The following MALRD1 variants were observed in gnomAD, a reference collection of about 807,000 sequenced individuals.
The protein encoded by MALRD1 is MAM and LDL-receptor class A domain-containing protein 1.
Under a neutral mutation model 242.1 loss-of-function variants are expected in MALRD1, and 247 were observed. The ratio of observed to expected loss-of-function variants is 1.02; its 90% CI spans 0.92 to 1.13. The LOEUF (loss-of-function observed/expected upper bound fraction) is 1.13. Ranked by LOEUF, MALRD1 falls within the 50% of genes most tolerant of loss-of-function variation. The probability of loss-of-function intolerance (pLI) is 0.00; values close to 1 mark genes in which losing one functional copy is unlikely to be tolerated. For missense variants in MALRD1, 2,989 were observed against 2,533.1 expected (o/e 1.18, Z -3.86); for synonymous variants, 995 against 866.6 (o/e 1.15, Z -2.60).
At chr10:19,646,750 A>G (rs558826393) in intron 36 of MALRD1, among the ~76,000 whole-genome samples, 1 of 152,336 alleles carries the variant, frequency 6.6e-6, no homozygotes, top group African/African-American at 2.4e-5. Flanking sequence ...TGTGCTTTAA[A>G]AAAATATATA....
intron 28 of MALRD1, among the ~76,000 whole-genome samples, chr10:19,410,679 C>CTTT (rs58147034): frequency 9.8e-5 from 13 of 132,884 alleles, no homozygotes; most frequent in South Asian, 2.4e-4. Flanking sequence ...TCCTTCCTTC[C>CTTT]TTTTTTTTTT....
intron 36 of MALRD1, among the ~76,000 whole-genome samples, chr10:19,620,971 C>G (rs1839375065): frequency 6.6e-6 from 1 of 151,162 alleles, no homozygotes; most frequent in South Asian, 2.1e-4. Context: ...AAATTTCTCT[C>G]CAGTTTATAG....
intron 30 of MALRD1, among the ~76,000 whole-genome samples, chr10:19,497,285 C>G (rs188265207): frequency 9.7e-4 from 146 of 149,972 alleles, no homozygotes; most frequent in Middle Eastern, 3.4e-3. Context: ...ATCCATATCA[C>G]ATAATAAAAA....
At chr10:19,070,992 CA>C (rs1176750562) in intron 2 of MALRD1, among the ~76,000 whole-genome samples, 5 of 151,732 alleles carry the variant, frequency 3.3e-5, no homozygotes, top group African/African-American at 1.2e-4. Context: ...GCTGGGATTA[CA>C]GGCATGTGCC....
At chr10:19,102,857 C>CTAA (rs1836318060) in intron 4 of MALRD1, among the ~76,000 whole-genome samples, 1 of 150,754 alleles carries the variant, frequency 6.6e-6, no homozygotes, top group African/African-American at 2.4e-5. Context: ...GTCATTTCTT[C>CTAA]TTTTTTTTTG....
At chr10:19,539,930 A>T (rs1190802212) in intron 32 of MALRD1, among the ~76,000 whole-genome samples, 2 of 134,764 alleles carry the variant, frequency 1.5e-5, no homozygotes, top group African/African-American at 5.8e-5. Context: ...ACGCGCAGTG[A>T]TGGGGTTTTG....
chr10:19,269,285 AGGTTC>A (rs201587161), intron 19 of MALRD1, among the ~76,000 whole-genome samples: 2,318 of 152,278 alleles, frequency 0.015, 62 homozygotes, highest in African/African-American at 0.053. Flanking sequence ...CATGAGGATG[AGGTTC>A]TTATAATGGG....
At chr10:19,249,872 AT>A (rs1491155358) in intron 18 of MALRD1, among the ~76,000 whole-genome samples, 3 of 137,070 alleles carry the variant, frequency 2.2e-5, no homozygotes, top group Non-Finnish European at 3.4e-5. Flanking sequence ...TAAATCGATC[AT>A]TTTTTTTTAT....
At chr10:19,271,640 G>T (rs1302502854) in intron 19 of MALRD1, among the ~76,000 whole-genome samples, 3 of 152,078 alleles carry the variant, frequency 2.0e-5, no homozygotes, top group African/African-American at 7.2e-5. Context: ...GCACACACCT[G>T]TAGTCCCAGC....
intron 8 of MALRD1, among the ~76,000 whole-genome samples, chr10:19,130,181 C>T (rs1027233247): frequency 1.3e-5 from 2 of 152,012 alleles, no homozygotes; most frequent in Non-Finnish European, 2.9e-5. Flanking sequence ...GGGACAACAT[C>T]TCCCTATCCT....
chr10:19,437,529 T>C (rs1834399250), intron 28 of MALRD1, among the ~76,000 whole-genome samples: 1 of 152,042 alleles, frequency 6.6e-6, no homozygotes, highest in Non-Finnish European at 1.5e-5. Context: ...TTTGTTATTG[T>C]TTCTCCTCAA....
intron 38 of MALRD1, among the ~76,000 whole-genome samples, chr10:19,693,954 T>C (rs1833233619): frequency 6.6e-6 from 1 of 152,032 alleles, no homozygotes; most frequent in Non-Finnish European, 1.5e-5. Flanking sequence ...TTGACAAACC[T>C]GACAAAAACA....
chr10:19,226,537 C>T (rs1837810117), intron 18 of MALRD1, among the ~76,000 whole-genome samples: 1 of 151,986 alleles, frequency 6.6e-6, no homozygotes, highest in African/African-American at 2.4e-5. Context: ...TGATAATTCT[C>T]CTGATATTGA....
At chr10:19,351,599 T>G (rs1844379446) in intron 25 of MALRD1, among the ~76,000 whole-genome samples, 2 of 152,170 alleles carry the variant, frequency 1.3e-5, no homozygotes, top group African/African-American at 4.8e-5. Flanking sequence ...TTTCATGAGA[T>G]TAAAAATAAT....
chr10:19,082,969 C>A (rs1835542031), intron 2 of MALRD1, among the ~76,000 whole-genome samples: 1 of 151,986 alleles, frequency 6.6e-6, no homozygotes, highest in Admixed American at 6.6e-5. Context: ...TGAAGGACGA[C>A]TTCCTGGTTC....
intron 18 of MALRD1, among the ~76,000 whole-genome samples, chr10:19,238,263 A>G (rs1838504149): frequency 1.3e-5 from 1 of 77,224 alleles, no homozygotes; most frequent in Non-Finnish European, 2.2e-5. Context: ...CATAATATAT[A>G]TTATATATAA....
At chr10:19,287,642 A>T (rs1841191340) in intron 21 of MALRD1, among the ~76,000 whole-genome samples, 1 of 152,080 alleles carries the variant, frequency 6.6e-6, no homozygotes, top group Non-Finnish European at 1.5e-5. Flanking sequence ...AGGGAAAATG[A>T]TTGATATTTG....
intron 24 of MALRD1, among the ~76,000 whole-genome samples, chr10:19,345,231 A>G (rs1374431740): frequency 3.2e-5 from 2 of 61,686 alleles, no homozygotes; most frequent in Non-Finnish European, 6.7e-5. Flanking sequence ...TTTACATTAT[A>G]AAGATTTAGC....
chr10:19,456,958 A>G (rs1835692329), intron 29 of MALRD1, among the ~76,000 whole-genome samples: 1 of 151,870 alleles, frequency 6.6e-6, no homozygotes, highest in African/African-American at 2.4e-5. Flanking sequence ...AACAAAACAA[A>G]AGAACCTGCC....
Sources: allele counts gnomAD v4.1 joint callset (sites outside exome capture counted in the v4.1 genomes callset), GRCh38; gene constraint gnomAD v4.1.1; transcripts MANE v1.5; gene names NCBI Gene and HGNC (gene_info 2026-07-23, HGNC 2026-07-21).